PCDHGB1: variants seen among roughly 807,000 people sequenced by gnomAD.
PCDHGB1 encodes the protein protocadherin gamma-B1.
In PCDHGB1, 34 loss-of-function variants were observed where a neutral mutation model predicts 56.6. That is an observed-to-expected ratio of 0.60 (90% confidence interval 0.46 to 0.80). PCDHGB1 has a LOEUF of 0.80. Ranked by LOEUF, PCDHGB1 falls within the 30% of genes least tolerant of loss-of-function variation. The pLI is 0.00. For synonymous variants in PCDHGB1, 561 were observed against 505.9 expected, an observed-to-expected ratio of 1.11 and a Z score of -1.46; for missense variants, 1,278 against 1,204.6, an observed-to-expected ratio of 1.06 and a Z score of -0.90.
intron 1 of PCDHGB1, chr5:141,408,243 G>T: frequency 6.3e-7 from 1 of 1,583,996 alleles, no homozygotes; most frequent in African/African-American, 1.3e-5. Context: ...GCCGGCCCGC[G>T]GCAGGTGCTA....
At chr5:141,374,343 C>G (rs753543776) in intron 1 of PCDHGB1, 3 of 1,613,872 alleles carry the variant, frequency 1.9e-6, no homozygotes, top group African/African-American at 1.3e-5. Context: ...TTGGTCACCG[C>G]GGGTAGGATA....
chr5:141,393,447 C>G, intron 1 of PCDHGB1: 1 of 1,614,052 alleles, frequency 6.2e-7, no homozygotes. Flanking sequence ...CCACCTGGTC[C>G]TCACGGCCTC....
chr5:141,371,219 C>T, intron 1 of PCDHGB1: 13 of 1,613,954 alleles, frequency 8.1e-6, no homozygotes, highest in Middle Eastern at 1.6e-4. Flanking sequence ...GCATCAATGC[C>T]GAAATCATCT....
In PCDHGB1 at chr5:141,350,342, T is replaced by TC. The variant is rs1378635895; in HGVS notation, c.85dup (p.Gln29ProfsTer39). 1.9e-6 allele frequency: 3 copies of TC among 1,550,478 alleles called. No individual in the cohort carries two copies. The highest frequency in any genetic ancestry group is 3.9e-5 in the Admixed American group (2 of 51,220). On this transcript the variant is annotated frameshift_variant, in exon 1 of 4. Coordinates refer to ENST00000523390, the MANE Select transcript of PCDHGB1 (RefSeq NM_018922.3). LOFTEE classifies it high-confidence loss of function. ...GCTGTCTTTGTTCTGCGGGGCCATC[T>TC]CCCAGCAGATCCGATACACGATTCC...
intron 1 of PCDHGB1, among the ~76,000 whole-genome samples, chr5:141,456,406 G>A (rs1038971451): frequency 2.0e-5 from 3 of 152,080 alleles, no homozygotes; most frequent in South Asian, 2.1e-4. Flanking sequence ...GCTTCTAGGC[G>A]AGAAGAAACA....
chr5:141,499,599 C>G (rs2099792919), intron 2 of PCDHGB1, among the ~76,000 whole-genome samples: 2 of 152,102 alleles, frequency 1.3e-5, no homozygotes, highest in South Asian at 4.1e-4. Context: ...TCACCTATAT[C>G]CCTACCCTTA....
At chr5:141,370,997 C>G in intron 1 of PCDHGB1, 5 of 1,613,984 alleles carry the variant, frequency 3.1e-6, no homozygotes, top group Non-Finnish European at 4.2e-6. Context: ...CACCCCTGGA[C>G]AGGGAAGAGC....
intron 1 of PCDHGB1, among the ~76,000 whole-genome samples, chr5:141,474,130 C>G (rs28684928): frequency 6.6e-6 from 1 of 152,160 alleles, no homozygotes; most frequent in Non-Finnish European, 1.5e-5. Context: ...TCTCAGAAAA[C>G]TACAGGCCTT....
rs758439978 is a variant in PCDHGB1 at position 141,415,219 on chromosome 5, T to C, written c.2409+62550T>C. ...CCAAGTCCTGGCGGACCTCGGCAGC[T>C]TCGAGTCTCCAGCTAACTCTGAAAC... On this transcript the variant is annotated intron_variant, in intron 1 of 3. Coordinates refer to ENST00000523390, the MANE Select transcript of PCDHGB1 (RefSeq NM_018922.3). 42 of 1,613,954 alleles carry C rather than the reference T, an allele frequency of 2.6e-5. No individual in the cohort carries two copies. Among genetic ancestry groups the C allele is most frequent in the South Asian group, 9.9e-5 (9 of 91,088 alleles).
Position 141,485,365 on chromosome 5 carries a change from G to A in PCDHGB1, c.2410-9442G>A. 1 of 1,614,120 alleles carries A rather than the reference G, an allele frequency of 6.2e-7. No homozygotes were observed. Among genetic ancestry groups the A allele is most frequent in the Admixed American group, 1.7e-5 (1 of 60,018 alleles). ...CGGACAGTCTGTCAGCTCGCAGGCT[G>A]CAGGTCGCTGGAGAGGTGAACCAAA... On this transcript the variant is annotated intron_variant, in intron 1 of 3. Transcript: ENST00000523390. The surrounding 1 kb of genome is among the most constrained non-coding windows in gnomAD (Gnocchi z 5.7).
intron 1 of PCDHGB1, chr5:141,376,127 G>T (rs1331529697): frequency 3.7e-6 from 6 of 1,613,710 alleles, no homozygotes; most frequent in Non-Finnish European, 5.1e-6. Flanking sequence ...CGAGCCCTCC[G>T]CCAAACCCAA....
At position 141,352,335 on chromosome 5, in the gene PCDHGB1, T is replaced by C. The variant is rs1758983241; in HGVS notation, c.2075T>C (p.Leu692Ser). Residue 692 changes from leucine (L) to serine (S), a missense_variant, in exon 1 of 4, where the codon TTG becomes TCG. By Grantham distance (145) the Leu-to-Ser change is moderately radical. Transcript: ENST00000523390. ...CTGCAGTTTTACCTGGTTGTGGCCT[T>C]GGCCTTGATCTCAGTGCTCTTTCTC... is the stretch of plus-strand genomic sequence containing the variant. The part of the protein sequence containing the change: ...TELQFYLVVA[L>S]ALISVLFLLA... The C allele has an allele frequency of 1.2e-6, 2 of 1,613,948 alleles. No homozygotes were observed. The highest frequency in any genetic ancestry group is 1.3e-5 in the African/African-American group (1 of 74,958).
chr5:141,495,412 G>A lies in PCDHGB1; in HGVS notation c.2468+547G>A, dbSNP rs188302135. 2.2e-4 allele frequency among the ~76,000 whole-genome samples: 33 copies of A among 152,284 alleles called. No homozygotes were observed. The East Asian group carries it at 6.4e-3, about 29-fold the overall frequency. ...GGCATGGAGCAGGCCCCCTTCTCCG[G>A]CCCCTCCTCCCACTGTCCTCTGCCC... On this transcript the variant is annotated intron_variant, in intron 2 of 3. Coordinates refer to ENST00000523390, the MANE Select transcript of PCDHGB1 (RefSeq NM_018922.3).
In PCDHGB1 at chr5:141,511,540, C is replaced by CTA; in HGVS notation, c.*367_*368insTA. ...ATCCCATGCCTCCCTCCTCCCCACC[C>CTA]CACTCCAACAGTTCCTCTTTCCCGA... On this transcript the variant is annotated 3_prime_UTR_variant, in exon 4 of 4. Transcript: ENST00000523390. 3.0e-6 allele frequency: 1 copy of CTA among 328,024 alleles called. No individual in the cohort carries two copies. Among genetic ancestry groups the CTA allele is most frequent in the South Asian group, 3.2e-5 (1 of 31,610 alleles). 20.3% of individuals were successfully genotyped at this position (328,024 alleles called of 1,614,324 possible). A position where few individuals can be genotyped will look rare whatever the true frequency, so the allele number is the denominator to read the frequency against.
At chr5:141,484,075 C>G (rs1397285710) in intron 1 of PCDHGB1, among the ~76,000 whole-genome samples, 2 of 152,084 alleles carry the variant, frequency 1.3e-5, no homozygotes, top group African/African-American at 4.8e-5. Context: ...AAAGCTTGCT[C>G]TTTTGAAATG....
rs773688197 is a variant in PCDHGB1, at chr5:141,432,412, C to T, written c.2410-62395C>T. On this transcript the variant is annotated intron_variant, in intron 1 of 3. Transcript: ENST00000523390. This position sits in a 1 kb window ranked among gnomAD's most constrained non-coding sequence, Gnocchi z 6.0. ...GCAGCAACGTGTCGTTGAGCCTGTT[C>T]GTGCTGGACCAGAACGACAATGCGC... 5 of 1,614,128 alleles carry T rather than the reference C, an allele frequency of 3.1e-6. No individual in the cohort carries two copies. The highest frequency in any genetic ancestry group is 4.5e-5 in the East Asian group (2 of 44,894).
Position 141,389,969 on chromosome 5 carries a change from C to T in PCDHGB1, c.2409+37300C>T, listed in dbSNP as rs762168749. 10 of 1,614,042 alleles carry T rather than the reference C, an allele frequency of 6.2e-6. No individual in the cohort carries two copies. In the South Asian group the frequency reaches 1.1e-4, roughly 18 times the overall value. On this transcript the variant is annotated intron_variant, in intron 1 of 3. Coordinates refer to ENST00000523390, the MANE Select transcript of PCDHGB1 (RefSeq NM_018922.3). ...AGTTTTACCTAGTGGTGGCCTTGGC[C>T]TTGATCTCAGTGCTCTTCCTCGTGG...
At chr5:141,494,365 C>A (rs193174055) in intron 1 of PCDHGB1, among the ~76,000 whole-genome samples, 20 of 152,290 alleles carry the variant, frequency 1.3e-4, no homozygotes, top group Non-Finnish European at 2.2e-4. Context: ...GCAGAGGATG[C>A]TTTGTTCCCA....
chr5:141,399,396 G>A (rs2093799031), intron 1 of PCDHGB1: 1 of 1,613,842 alleles, frequency 6.2e-7, no homozygotes, highest in African/African-American at 1.3e-5. Flanking sequence ...CCACAGACAG[G>A]GGCAAGCCGC....
Sources: allele counts gnomAD v4.1 joint callset (sites outside exome capture counted in the v4.1 genomes callset), GRCh38; gene constraint gnomAD v4.1.1; non-coding constraint Gnocchi (gnomAD v3.1); transcripts MANE v1.5; gene names NCBI Gene and HGNC (gene_info 2026-07-23, HGNC 2026-07-21).